BNC2: variants seen among roughly 807,000 people sequenced by gnomAD.
The protein encoded by BNC2 is zinc finger protein basonuclin-2.
Under a neutral mutation model 76.3 loss-of-function variants are expected in BNC2, and 20 were observed. The ratio of observed to expected loss-of-function variants is 0.26; its 90% CI spans 0.18 to 0.38. The LOEUF (loss-of-function observed/expected upper bound fraction) is 0.38. Ranked by LOEUF, BNC2 falls within the 10% of genes least tolerant of loss-of-function variation. The probability of loss-of-function intolerance (pLI) is 1.00; values close to 1 mark genes in which losing one functional copy is unlikely to be tolerated. For missense variants in BNC2, 1,382 were observed against 1,399.8 expected, an observed-to-expected ratio of 0.99 and a Z score of 0.20; for synonymous variants, 582 against 514.8, an observed-to-expected ratio of 1.13 and a Z score of -1.77.
intron 1 of BNC2, among the ~76,000 whole-genome samples, chr9:16,807,764 T>C (rs1215324549): frequency 6.6e-6 from 1 of 152,192 alleles, no homozygotes; most frequent in Admixed American, 6.5e-5. Flanking sequence ...ATATAAAAAA[T>C]TCCAGTTAGA....
chr9:16,687,153 C>T (rs1191982033), intron 3 of BNC2, among the ~76,000 whole-genome samples: 1 of 151,796 alleles, frequency 6.6e-6, no homozygotes, highest in Non-Finnish European at 1.5e-5. Flanking sequence ...TGGATTCAAA[C>T]TTAAGACATG....
chr9:16,732,758 T>C (rs1279628869), intron 2 of BNC2, among the ~76,000 whole-genome samples: 1 of 152,202 alleles, frequency 6.6e-6, no homozygotes, highest in Non-Finnish European at 1.5e-5. Flanking sequence ...ATCTAATGGC[T>C]TGTCAAGACA....
chr9:16,767,874 C>G (rs1485401474), intron 1 of BNC2, among the ~76,000 whole-genome samples: 2 of 151,910 alleles, frequency 1.3e-5, no homozygotes, highest in African/African-American at 4.8e-5. Context: ...GACATTATTT[C>G]ACTAGTGAAT....
chr9:16,594,496 AC>A (rs1820013596), intron 3 of BNC2, among the ~76,000 whole-genome samples: 1 of 152,162 alleles, frequency 6.6e-6, no homozygotes, highest in Non-Finnish European at 1.5e-5. Context: ...TAGGTAGGTG[AC>A]CTTTTAACTA....
Position 16,413,401 on chromosome 9 carries a change from AATC to A in BNC2, c.*5585_*5587del, listed in dbSNP as rs1820517175. 1 of 151,558 alleles carries A rather than the reference AATC, an allele frequency of 6.6e-6. No individual in the cohort carries two copies. The highest frequency in any genetic ancestry group is 1.5e-5 in the Non-Finnish European group (1 of 68,026). The allele number at this position is 151,558 out of a possible 1,614,324, so 9.4% of individuals were successfully genotyped here. ...CTCCTGTTATTTGGATTTGGATTAA[AATC>A]ATTTGGATTAAAAAAGATTTGGATT... On this transcript the variant is annotated 3_prime_UTR_variant, in exon 7 of 7. Coordinates refer to ENST00000380672, the MANE Select transcript of BNC2 (RefSeq NM_017637.6).
At chr9:16,506,513 CTTTTTTTTTTTTTTT>C (rs568955982) in intron 5 of BNC2, among the ~76,000 whole-genome samples, 24 of 43,348 alleles carry the variant, frequency 5.5e-4, no homozygotes, top group East Asian at 2.1e-3. Context: ...TCTCTCTCCT[CTTTTTTTTTTTTTTT>C]TTTTTTTTTT....
intron 3 of BNC2, chr9:16,699,180 A>G (rs1823435032): frequency 2.1e-6 from 1 of 470,772 alleles, no homozygotes; most frequent in African/African-American, 2.0e-5. Context: ...TATAAGGCTT[A>G]CCAGTAACCT....
At chr9:16,609,524 T>C (rs964804676) in intron 3 of BNC2, among the ~76,000 whole-genome samples, 4 of 152,150 alleles carry the variant, frequency 2.6e-5, no homozygotes, top group African/African-American at 9.7e-5. Context: ...CTGCTAAAAC[T>C]GTGTCCAGCC....
chr9:16,860,156 G>C (rs891327717), intron 1 of BNC2, among the ~76,000 whole-genome samples: 16 of 151,860 alleles, frequency 1.1e-4, no homozygotes, highest in African/African-American at 3.9e-4. Flanking sequence ...TACATTTTAC[G>C]TTGTTTTCTA....
At chr9:16,552,465 G>C in intron 5 of BNC2, 65 bp downstream of exon 5, 2 of 1,400,040 alleles carry the variant, frequency 1.4e-6, no homozygotes, top group Non-Finnish European at 2.0e-6. Context: ...GTTTGTCAAG[G>C]ACTCTCACCC....
At chr9:16,646,640 G>A (rs555670213) in intron 3 of BNC2, among the ~76,000 whole-genome samples, 82 of 152,222 alleles carry the variant, frequency 5.4e-4, no homozygotes, top group African/African-American at 1.9e-3. Context: ...TAAAGAAAAT[G>A]ATACGTACTT....
At position 16,643,257 on chromosome 9, in the gene BNC2, G is replaced by T. The variant is rs376385602; in HGVS notation, c.331-60172C>A. Reference sequence around the variant, plus strand: ...GGAAGTGGAGGTTGCAGTGAGCCAAGATCACGACAATGCACTCCAGCCTGG... The same window carrying T: ...GGAAGTGGAGGTTGCAGTGAGCCAATATCACGACAATGCACTCCAGCCTGG... On this transcript the variant is annotated intron_variant, in intron 3 of 6. Coordinates refer to ENST00000380672, the MANE Select transcript of BNC2 (RefSeq NM_017637.6). 4.1e-5 allele frequency among the ~76,000 whole-genome samples: 6 copies of T among 146,150 alleles called. No individual in the cohort carries two copies. The East Asian group carries it at 1.2e-3, about 29-fold the overall frequency.
rs144301363 is a variant in BNC2 at position 16,795,699 on chromosome 9, C to T, written c.4-57214G>A. ...TCTTATCCTTTGAAGTAAGACACTT[C>T]ATGATTGTCATGAGTTTGGTTCCCA... On this transcript the variant is annotated intron_variant, in intron 1 of 6. Transcript: ENST00000380672. 2.9e-3 allele frequency among the ~76,000 whole-genome samples: 441 copies of T among 152,240 alleles called. 4 individuals are homozygous for T. Among genetic ancestry groups the T allele is most frequent in the African/African-American group, 0.01 (419 of 41,556 alleles).
At chr9:16,662,537 G>A (rs2017193) in intron 3 of BNC2, among the ~76,000 whole-genome samples, 110,652 of 152,048 alleles carry the variant, frequency 0.73, 40,537 homozygotes, top group African/African-American at 0.81. Context: ...AGAGTTCAAG[G>A]CCAGCCTGGC....
chr9:16,768,924 C>A (rs964964931), intron 1 of BNC2, among the ~76,000 whole-genome samples: 1 of 152,078 alleles, frequency 6.6e-6, no homozygotes, highest in Non-Finnish European at 1.5e-5. Flanking sequence ...AAGAAACAGA[C>A]AAATGGCGCA....
chr9:16,529,191 C>A (rs955977024), intron 5 of BNC2, among the ~76,000 whole-genome samples: 1 of 152,296 alleles, frequency 6.6e-6, no homozygotes, highest in African/African-American at 2.4e-5. Context: ...TTAATCACAT[C>A]TGCAAAAACC....
At chr9:16,656,884 T>C (rs1768388300) in intron 3 of BNC2, among the ~76,000 whole-genome samples, 1 of 152,154 alleles carries the variant, frequency 6.6e-6, no homozygotes, top group African/African-American at 2.4e-5. Flanking sequence ...GAATAATGAA[T>C]GGGGAAACAG....
chr9:16,441,808 C>T (rs1329933710), intron 5 of BNC2, among the ~76,000 whole-genome samples: 2 of 152,086 alleles, frequency 1.3e-5, no homozygotes, highest in African/African-American at 4.8e-5. Context: ...AAAAACTAGT[C>T]CTCCTTGCAA....
At chr9:16,568,946 C>T (rs1819240163) in intron 4 of BNC2, among the ~76,000 whole-genome samples, 1 of 151,128 alleles carries the variant, frequency 6.6e-6, no homozygotes, top group African/African-American at 2.4e-5. Context: ...AACTTTCTAA[C>T]TGTAACTGTC....
Sources: gnomAD v4.1 joint callset for allele counts (sites outside exome capture counted in the v4.1 genomes callset) on GRCh38, gnomAD v4.1.1 for gene constraint, MANE v1.5 for transcripts, NCBI Gene and HGNC (gene_info 2026-07-23, HGNC 2026-07-21) for gene names.